The following VPS8 variants were observed in gnomAD, a reference collection of about 807,000 sequenced individuals.
The protein encoded by VPS8 is VPS8 subunit of CORVET complex.
In VPS8, 129 loss-of-function variants were observed where a neutral mutation model predicts 216.4. The ratio of observed to expected loss-of-function variants is 0.60; its 90% CI spans 0.52 to 0.69. The LOEUF (loss-of-function observed/expected upper bound fraction) is 0.69, where lower values mean the gene tolerates loss of function less well. Ranked by LOEUF, VPS8 falls within the 30% of genes least tolerant of loss-of-function variation. The pLI, the probability that VPS8 is intolerant of heterozygous loss-of-function variation, is 0.00. For synonymous variants in VPS8, 571 were observed against 565.4 expected (o/e 1.01, Z -0.14); for missense variants, 1,531 against 1,683.5 (o/e 0.91, Z 1.59).
chr3:184,834,941 A>T, intron 5 of VPS8, 199 bp downstream of exon 5: 2 of 459,390 alleles, frequency 4.4e-6, no homozygotes, highest in Non-Finnish European at 7.7e-6. Flanking sequence ...TGCAGCCATG[A>T]AAATAAAGTT....
intron 16 of VPS8, 53 bp from the exon 17 acceptor site, chr3:184,866,823 A>G (rs1577975254): frequency 5.2e-6 from 8 of 1,532,480 alleles, no homozygotes; most frequent in Admixed American, 1.9e-5. Flanking sequence ...TAAAAAATAT[A>G]TTAAATACAA....
At position 184,928,436 on chromosome 3, in the gene VPS8, A is replaced by C. The variant is rs1351426947; in HGVS notation, c.2632-15A>C. 1 of 1,531,324 alleles carries C rather than the reference A, an allele frequency of 6.5e-7. No individual in the cohort carries two copies. The highest frequency in any genetic ancestry group is 8.7e-7 in the Non-Finnish European group (1 of 1,151,400). 94.9% of individuals were successfully genotyped at this position (1,531,324 alleles called of 1,614,324 possible). A position where few individuals can be genotyped will look rare whatever the true frequency, so the allele number is the denominator to read the frequency against. On this transcript the variant is annotated splice_polypyrimidine_tract_variant and intron_variant, in intron 31 of 47. Transcript: ENST00000625842. ...AATTCTCAAGTGTTTTTACTCATTT[A>C]TTGTAAATACTCAGGTCCTTTTAGA...
chr3:185,046,703 A>G (rs1192405043), intron 46 of VPS8, among the ~76,000 whole-genome samples: 1 of 152,184 alleles, frequency 6.6e-6, no homozygotes, highest in Admixed American at 6.5e-5. Context: ...CATTATGTCT[A>G]ATTTTCATAA....
chr3:184,929,716 T>C (rs909121122), intron 33 of VPS8, 52 bp downstream of exon 33: 128 of 1,107,228 alleles, frequency 1.2e-4, no homozygotes, highest in Non-Finnish European at 1.5e-4. Flanking sequence ...TTCCCTCTTA[T>C]TGAGTACAAA....
intron 37 of VPS8, among the ~76,000 whole-genome samples, chr3:184,959,557 T>C (rs1332933413): frequency 6.6e-6 from 1 of 152,172 alleles, no homozygotes; most frequent in African/African-American, 2.4e-5. Context: ...AAAAAAATGT[T>C]TTCTTAACTC....
At chr3:184,835,540 A>T (rs190460050) in intron 5 of VPS8, among the ~76,000 whole-genome samples, 2 of 152,280 alleles carry the variant, frequency 1.3e-5, no homozygotes, top group East Asian at 3.9e-4. Context: ...CCATAGTTTT[A>T]TGTAGTCTTT....
intron 36 of VPS8, among the ~76,000 whole-genome samples, chr3:184,952,376 C>G (rs1744852206): frequency 6.6e-6 from 1 of 152,186 alleles, no homozygotes; most frequent in African/African-American, 2.4e-5. Flanking sequence ...ATTTCTGACA[C>G]TATGTATCTG....
chr3:184,871,732 A>T lies in VPS8; in HGVS notation c.1734+927A>T, dbSNP rs529323971. On this transcript the variant is annotated intron_variant, in intron 21 of 47. Transcript: ENST00000625842. Reference sequence around the variant, plus strand: ...TAAAGTTTGTAGTCTAGTCAAAATAATGGGTTTTTTTGGTTTACATTAATG... The same window carrying T: ...TAAAGTTTGTAGTCTAGTCAAAATATTGGGTTTTTTTGGTTTACATTAATG... Among the ~76,000 whole-genome samples the T allele has an allele frequency of 2.6e-4, 39 of 152,230 alleles. No homozygotes were observed. In the South Asian group the frequency reaches 7.7e-3, roughly 30 times the overall value.
chr3:184,886,787 G>T (rs949784897), intron 22 of VPS8, among the ~76,000 whole-genome samples: 1 of 151,928 alleles, frequency 6.6e-6, no homozygotes, highest in Non-Finnish European at 1.5e-5. Context: ...CACCATGTTG[G>T]CCAGGCTGGT....
chr3:185,046,290 T>TA (rs1444195348), intron 46 of VPS8, among the ~76,000 whole-genome samples: 1 of 152,254 alleles, frequency 6.6e-6, no homozygotes, highest in Non-Finnish European at 1.5e-5. Flanking sequence ...CGGAAACTGT[T>TA]ACTTATCTTC....
intron 21 of VPS8, among the ~76,000 whole-genome samples, 187 bp downstream of exon 21, chr3:184,870,992 C>T (rs1406758977): frequency 6.6e-6 from 1 of 151,910 alleles, no homozygotes. Flanking sequence ...ATGAGTAAAA[C>T]GTTGTGGAGT....
intron 28 of VPS8, among the ~76,000 whole-genome samples, chr3:184,918,842 A>G (rs1480976116): frequency 6.6e-6 from 1 of 152,136 alleles, no homozygotes; most frequent in Non-Finnish European, 1.5e-5. Flanking sequence ...GTTCTCATGA[A>G]TCCGAAGATA....
chr3:184,985,936 C>A (rs1324859655), intron 42 of VPS8, among the ~76,000 whole-genome samples: 1 of 152,094 alleles, frequency 6.6e-6, no homozygotes, highest in Non-Finnish European at 1.5e-5. Flanking sequence ...GGAGAGGAGA[C>A]CATGTGGGGA....
intron 5 of VPS8, among the ~76,000 whole-genome samples, chr3:184,837,390 T>C (rs1721297978): frequency 6.6e-6 from 1 of 152,260 alleles, no homozygotes; most frequent in African/African-American, 2.4e-5. Flanking sequence ...AAGAACTTAC[T>C]GACAACATTA....
At chr3:184,855,241 C>T (rs181192441) in intron 13 of VPS8, among the ~76,000 whole-genome samples, 1 of 152,014 alleles carries the variant, frequency 6.6e-6, no homozygotes, top group East Asian at 1.9e-4. Context: ...CATTTAAATT[C>T]TATAATTAAC....
chr3:184,956,067 T>C (rs1016772589), intron 36 of VPS8, among the ~76,000 whole-genome samples: 8 of 152,136 alleles, frequency 5.3e-5, no homozygotes, highest in African/African-American at 1.9e-4. Context: ...AGCAGCAGAA[T>C]TTTTTTAGTT....
At chr3:184,816,500 G>A (rs966313657) in intron 1 of VPS8, among the ~76,000 whole-genome samples, 2 of 152,178 alleles carry the variant, frequency 1.3e-5, no homozygotes, top group African/African-American at 2.4e-5. Context: ...TTTCGTCGTG[G>A]CAGTTCTGGC....
intron 46 of VPS8, among the ~76,000 whole-genome samples, chr3:185,048,227 C>T (rs1385768122): frequency 3.3e-5 from 5 of 152,168 alleles, no homozygotes; most frequent in Non-Finnish European, 4.4e-5. Flanking sequence ...CCTATACATA[C>T]GGGACATTTG....
intron 37 of VPS8, 45 bp from the exon 38 acceptor site, chr3:184,964,423 A>C: frequency 1.5e-6 from 2 of 1,309,218 alleles, no homozygotes; most frequent in Non-Finnish European, 2.1e-6. Context: ...CCCACTCCAC[A>C]AATAAGATTG....
Sources: allele counts gnomAD v4.1 joint callset (sites outside exome capture counted in the v4.1 genomes callset), GRCh38; gene constraint gnomAD v4.1.1; transcripts MANE v1.5; gene names NCBI Gene and HGNC (gene_info 2026-07-23, HGNC 2026-07-21).